The following RC3H2 variants were observed in gnomAD, a reference collection of about 807,000 sequenced individuals.
RC3H2 encodes roquin-2.
A neutral mutation model predicts 133.3 loss-of-function variants in RC3H2; 31 were observed. The observed-to-expected ratio is 0.23, with a 90% CI of 0.17 to 0.31. The LOEUF (loss-of-function observed/expected upper bound fraction) is 0.31, where lower values mean the gene tolerates loss of function less well. Ranked by LOEUF, RC3H2 falls within the 10% of genes least tolerant of loss-of-function variation. The pLI, the probability that RC3H2 is intolerant of heterozygous loss-of-function variation, is 1.00. For synonymous variants in RC3H2, 517 were observed against 502.2 expected, an observed-to-expected ratio of 1.03 and a Z score of -0.40; for missense variants, 1,175 against 1,437.2, an observed-to-expected ratio of 0.82 and a Z score of 2.95.
In RC3H2 at chr9:122,880,129, A is replaced by AC. The variant is rs1487459083; in HGVS notation, c.961-5dup. Reference sequence around the variant, plus strand: ...CAAATGACTCTGGAGACTGTAGCTAACAAACAGAAATGAGAATGCTTTTTA... The same window carrying AC: ...CAAATGACTCTGGAGACTGTAGCTAACCAAACAGAAATGAGAATGCTTTTTA... On this transcript the variant is annotated splice_polypyrimidine_tract_variant and splice_region_variant and intron_variant, in intron 6 of 20. Coordinates refer to ENST00000357244, the MANE Select transcript of RC3H2 (RefSeq NM_001100588.3). The AC allele has an allele frequency of 3.1e-6, 5 of 1,613,888 alleles. No individual in the cohort carries two copies. The African/African-American group carries it at 6.7e-5, about 22-fold the overall frequency.
At chr9:122,884,154 G>A (rs916300159) in intron 4 of RC3H2, among the ~76,000 whole-genome samples, 2 of 152,012 alleles carry the variant, frequency 1.3e-5, no homozygotes, top group Non-Finnish European at 2.9e-5. Flanking sequence ...TTAGCTGGAC[G>A]TGGTGGCAGG....
At chr9:122,896,289 C>T (rs1393265990) in intron 2 of RC3H2, among the ~76,000 whole-genome samples, 1 of 152,052 alleles carries the variant, frequency 6.6e-6, no homozygotes, top group African/African-American at 2.4e-5. Flanking sequence ...ATATACATCC[C>T]TACATAGACC....
At chr9:122,857,868 G>T in intron 13 of RC3H2, 55 bp downstream of exon 13, 1 of 1,475,022 alleles carries the variant, frequency 6.8e-7, no homozygotes, top group Non-Finnish European at 9.3e-7. Flanking sequence ...TGAGTAATTT[G>T]AAGTCAGCTG....
At chr9:122,854,339 T>C in intron 16 of RC3H2, 73 bp from the exon 17 acceptor site, 1 of 1,353,276 alleles carries the variant, frequency 7.4e-7, no homozygotes. Context: ...TAACCATATG[T>C]TTTATGTGAC....
At chr9:122,880,481 A>G in intron 6 of RC3H2, 113 bp downstream of exon 6, 1 of 843,146 alleles carries the variant, frequency 1.2e-6, no homozygotes, top group Non-Finnish European at 1.9e-6. Flanking sequence ...TAAGAGTCTG[A>G]CATTTAAAAA....
Position 122,897,489 on chromosome 9 carries a change from T to C in RC3H2, c.21A>G (p.Gln7=), listed in dbSNP as rs575865086. 1.7e-5 allele frequency: 27 copies of C among 1,613,576 alleles called. No homozygotes were observed. In the East Asian group the frequency reaches 4.0e-4, roughly 24 times the overall value. The change falls in exon 2 of 21, where the codon CAA becomes CAG. Residue 7 remains glutamine, a synonymous_variant. Coordinates refer to ENST00000357244, the MANE Select transcript of RC3H2 (RefSeq NM_001100588.3). The part of the protein sequence containing the change: MPVQAA[Q]WTEFLSCPIC... ...TTGGACAGGACAGAAATTCTGTCCATTGAGCTGCCTGCACAGGCATTGTGG... is the reference window on the plus strand; with the variant it reads ...TTGGACAGGACAGAAATTCTGTCCACTGAGCTGCCTGCACAGGCATTGTGG...
intron 1 of RC3H2, among the ~76,000 whole-genome samples, chr9:122,904,114 AG>A (rs2131518694): frequency 6.6e-6 from 1 of 152,356 alleles, no homozygotes; most frequent in South Asian, 2.1e-4. Context: ...ATTGGAAAAA[AG>A]ATTACTTAAA....
chr9:122,875,285 T>C (rs138283522), intron 9 of RC3H2: 353 of 1,550,694 alleles, frequency 2.3e-4, no homozygotes, highest in Middle Eastern at 3.3e-4. Flanking sequence ...ATGCTGCTGC[T>C]TGTAGAGCTC....
Position 122,844,561 on chromosome 9 carries a change from A to T in RC3H2, c.*5066T>A, listed in dbSNP as rs188387883. 3 of 152,358 alleles carry T rather than the reference A, an allele frequency of 2.0e-5. No individual in the cohort carries two copies. The East Asian group carries it at 5.8e-4, about 29-fold the overall frequency. The allele number at this position is 152,358 out of a possible 1,614,324, so 9.4% of individuals were successfully genotyped here. A position where few individuals can be genotyped will look rare whatever the true frequency, so the allele number is the denominator to read the frequency against. On this transcript the variant is annotated 3_prime_UTR_variant, in exon 21 of 21. Transcript: ENST00000357244. ...ATTGACATTAAACAAACAACTTTTA[A>T]GGTGGACAAATAATTTTATTTTGTG...
At chr9:122,857,842 C>T (rs1239450306) in intron 13 of RC3H2, 81 bp downstream of exon 13, 1 of 1,236,934 alleles carries the variant, frequency 8.1e-7, no homozygotes, top group African/African-American at 1.5e-5. Context: ...TCCAACATAG[C>T]TATTCCTGGT....
In RC3H2 at chr9:122,868,912, TTG is replaced by T. The variant is rs1225014708; in HGVS notation, c.1326-3257_1326-3256del. 3.6e-4 allele frequency among the ~76,000 whole-genome samples: 45 copies of T among 126,156 alleles called. 3 individuals are homozygous for T. In the East Asian group the frequency reaches 4.2e-3, roughly 12 times the overall value. The allele number at this position is 126,156 out of a possible 152,430, so 82.8% of individuals were successfully genotyped here. ...GTGTATGTGTTTTTTTTTTTTTTTT[TTG>T]TGGGGGGGTTAAGTTCCACTCTTGT... On this transcript the variant is annotated intron_variant, in intron 9 of 20. Transcript: ENST00000357244.
At chr9:122,854,663 T>G in intron 15 of RC3H2, 48 bp from the exon 16 acceptor site, 1 of 1,197,568 alleles carries the variant, frequency 8.4e-7, no homozygotes, top group African/African-American at 1.5e-5. Context: ...GAAAAATCAG[T>G]GTACTGAGGT....
At chr9:122,858,589 G>A (rs1830337013) in intron 12 of RC3H2, 80 bp downstream of exon 12, 22 of 1,140,678 alleles carry the variant, frequency 1.9e-5, no homozygotes, top group Non-Finnish European at 2.8e-5. Flanking sequence ...GTAAGTGGAG[G>A]AGCCAGGATA....
chr9:122,902,969 A>T (rs984508444), intron 1 of RC3H2, among the ~76,000 whole-genome samples: 1 of 152,024 alleles, frequency 6.6e-6, no homozygotes, highest in Non-Finnish European at 1.5e-5. Flanking sequence ...CTGAGATATT[A>T]AAAAAAATCT....
chr9:122,898,843 C>CT (rs755245506), intron 1 of RC3H2, among the ~76,000 whole-genome samples: 11 of 151,252 alleles, frequency 7.3e-5, no homozygotes, highest in Non-Finnish European at 1.6e-4. Flanking sequence ...CCCAGAATTT[C>CT]TTTATCTTCC....
chr9:122,855,622 A>T, intron 14 of RC3H2, 110 bp downstream of exon 14: 1 of 1,233,352 alleles, frequency 8.1e-7, no homozygotes, highest in Non-Finnish European at 1.1e-6. Context: ...GCTGCTACTG[A>T]GTTATAAGGC....
At chr9:122,860,189 T>C in intron 10 of RC3H2, 58 bp from the exon 11 acceptor site, 1 of 1,247,266 alleles carries the variant, frequency 8.0e-7, no homozygotes, top group Non-Finnish European at 1.2e-6. Flanking sequence ...ACTGTCCTCC[T>C]TACTAGAAAT....
Position 122,851,669 on chromosome 9 carries a change from G to T in RC3H2, c.3118-233C>A, listed in dbSNP as rs548600775. 2.8e-4 allele frequency: 134 copies of T among 471,614 alleles called. 1 individual carries two copies. Among genetic ancestry groups the T allele is most frequent in the African/African-American group, 3.7e-4 (19 of 50,890 alleles). The allele number at this position is 471,614 out of a possible 1,614,324, so 29.2% of individuals were successfully genotyped here. On this transcript the variant is annotated intron_variant, in intron 18 of 20. Transcript: ENST00000357244. ...GCGCCGCCACGCCTGACTGGTTTTC[G>T]TATTTTTTTGGTGGAGACGGGGTTT...
chr9:122,904,206 A>G (rs902701679), intron 1 of RC3H2, among the ~76,000 whole-genome samples: 2 of 152,216 alleles, frequency 1.3e-5, no homozygotes, highest in African/African-American at 4.8e-5. Context: ...GGCCGTGGGT[A>G]AGGGGAGAGG....
Sources: allele counts gnomAD v4.1 joint callset (sites outside exome capture counted in the v4.1 genomes callset), GRCh38; gene constraint gnomAD v4.1.1; transcripts MANE v1.5; gene names NCBI Gene and HGNC (gene_info 2026-07-23, HGNC 2026-07-21).